CADM2: variants seen among roughly 807,000 people sequenced by gnomAD.
CADM2 encodes immunoglobulin superfamily member 4D.
CADM2 carries 12 observed loss-of-function variants against 49.8 expected under a neutral mutation model. The ratio of observed to expected loss-of-function variants is 0.24; its 90% CI spans 0.15 to 0.39. The LOEUF (loss-of-function observed/expected upper bound fraction) is 0.39. CADM2 is among the 10% of genes least tolerant of loss of function. The pLI, the probability that CADM2 is intolerant of heterozygous loss-of-function variation, is 1.00. For synonymous variants in CADM2, 214 were observed against 175.4 expected, an observed-to-expected ratio of 1.22 and a Z score of -1.74; for missense variants, 378 against 492.3, an observed-to-expected ratio of 0.77 and a Z score of 2.20.
intron 3 of CADM2, among the ~76,000 whole-genome samples, chr3:85,883,060 TA>T (rs1243407326): frequency 6.6e-6 from 1 of 152,206 alleles, no homozygotes; most frequent in Non-Finnish European, 1.5e-5. Context: ...AATCATTTAA[TA>T]AAAAAGTTAT....
chr3:85,614,849 G>A (rs1204996686), intron 1 of CADM2, among the ~76,000 whole-genome samples: 1 of 151,886 alleles, frequency 6.6e-6, no homozygotes, highest in African/African-American at 2.4e-5. Flanking sequence ...TGCTGTTATT[G>A]TGTTGACATA....
chr3:86,016,331 G>A (rs973204264), intron 8 of CADM2, among the ~76,000 whole-genome samples: 1 of 152,062 alleles, frequency 6.6e-6, no homozygotes, highest in African/African-American at 2.4e-5. Context: ...TCTTGCATAT[G>A]ATAAACTGTT....
chr3:85,275,227 A>G (rs951875036), intron 1 of CADM2, among the ~76,000 whole-genome samples: 1 of 151,618 alleles, frequency 6.6e-6, no homozygotes, highest in African/African-American at 2.4e-5. Context: ...GTGATCAGTG[A>G]TAATATTACA....
In CADM2 at chr3:85,815,505, T is replaced by C. The variant is rs1031117335; in HGVS notation, c.238+13309T>C. On this transcript the variant is annotated intron_variant, in intron 3 of 9. Coordinates refer to ENST00000383699, the MANE Select transcript of CADM2 (RefSeq NM_001167675.2). ...ACCCAAGACAAAAACCACATGATTA[T>C]CTCAATAGATGCAAAAAAGGTCTTT... 3.1e-4 allele frequency among the ~76,000 whole-genome samples: 47 copies of C among 152,284 alleles called. 1 individual carries two copies. Among genetic ancestry groups the C allele is most frequent in the Admixed American group, 3.1e-3 (47 of 15,284 alleles).
chr3:85,181,861 T>C (rs1206648196), intron 1 of CADM2, among the ~76,000 whole-genome samples: 1 of 149,908 alleles, frequency 6.7e-6, no homozygotes, highest in Non-Finnish European at 1.5e-5. Context: ...AACATTGCCC[T>C]TAATTTACCG....
intron 8 of CADM2, among the ~76,000 whole-genome samples, chr3:86,042,517 AG>A (rs1245262893): frequency 6.6e-6 from 1 of 152,166 alleles, no homozygotes; most frequent in Non-Finnish European, 1.5e-5. Context: ...CACCCTCCCA[AG>A]ACTAAACCAG....
chr3:85,297,531 A>G (rs1028248069), intron 1 of CADM2, among the ~76,000 whole-genome samples: 9 of 152,022 alleles, frequency 5.9e-5, no homozygotes, highest in Admixed American at 5.3e-4. Context: ...GAAGAACTGG[A>G]CAGGGTACTG....
At position 85,883,311 on chromosome 3, in the gene CADM2, G is replaced by C; in HGVS notation, c.259G>C (p.Glu87Gln). 1.2e-6 allele frequency: 2 copies of C among 1,612,532 alleles called. No individual in the cohort carries two copies. The highest frequency in any genetic ancestry group is 1.7e-6 in the Non-Finnish European group (2 of 1,179,140). Residue 87 changes from glutamate (E) to glutamine (Q), a missense_variant, in exon 4 of 10, where the codon GAG becomes CAG. Coordinates refer to ENST00000383699, the MANE Select transcript of CADM2 (RefSeq NM_001167675.2). ...TCCAGCTTTAAGGGACAATAGGATC[G>C]AGCTGGTTCGCGCTTCCTGGCATGA... is the stretch of plus-strand genomic sequence containing the variant. ...DKKALRDNRI[E>Q]LVRASWHELS...
chr3:85,677,920 A>G (rs1199640974), intron 1 of CADM2, among the ~76,000 whole-genome samples: 1 of 152,124 alleles, frequency 6.6e-6, no homozygotes, highest in African/African-American at 2.4e-5. Context: ...ATTCCTTCTA[A>G]CTTTGATATC....
intron 1 of CADM2, among the ~76,000 whole-genome samples, chr3:85,154,466 G>A (rs539035659): frequency 1.3e-5 from 2 of 152,132 alleles, no homozygotes; most frequent in Non-Finnish European, 2.9e-5. Flanking sequence ...CATCTGATTG[G>A]TGTACTTGAA....
intron 2 of CADM2, among the ~76,000 whole-genome samples, chr3:85,768,839 TA>T (rs1336403444): frequency 8.3e-5 from 2 of 24,210 alleles, no homozygotes; most frequent in South Asian, 1.7e-3. Flanking sequence ...TATACATATA[TA>T]GTATATATAC....
At chr3:85,648,221 G>A (rs1387246607) in intron 1 of CADM2, among the ~76,000 whole-genome samples, 1 of 151,662 alleles carries the variant, frequency 6.6e-6, no homozygotes, top group Non-Finnish European at 1.5e-5. Flanking sequence ...TCTATTTAAT[G>A]TCTTCCCGTT....
At chr3:85,795,849 C>G (rs968385826) in intron 2 of CADM2, among the ~76,000 whole-genome samples, 2 of 152,106 alleles carry the variant, frequency 1.3e-5, no homozygotes, top group African/African-American at 4.8e-5. Context: ...TTTAAACAAA[C>G]AGGGATAAAG....
chr3:84,996,586 T>C (rs2033190721), intron 1 of CADM2, among the ~76,000 whole-genome samples: 1 of 152,174 alleles, frequency 6.6e-6, no homozygotes, highest in Non-Finnish European at 1.5e-5. Flanking sequence ...AAAAATATTA[T>C]GAAATTACCC....
intron 6 of CADM2, 112 bp downstream of exon 6, chr3:85,912,655 G>A (rs777769542): frequency 2.1e-5 from 22 of 1,061,720 alleles, no homozygotes; most frequent in Non-Finnish European, 3.0e-5. Context: ...TAAAATCCAC[G>A]GCAAAATGAA....
At chr3:85,137,557 T>C (rs1280220404) in intron 1 of CADM2, among the ~76,000 whole-genome samples, 2 of 152,062 alleles carry the variant, frequency 1.3e-5, no homozygotes, top group Non-Finnish European at 2.9e-5. Context: ...ATCTTGGTGA[T>C]TTAGTATAAA....
At chr3:86,025,575 G>C (rs935547797) in intron 8 of CADM2, among the ~76,000 whole-genome samples, 8 of 151,978 alleles carry the variant, frequency 5.3e-5, no homozygotes, top group Non-Finnish European at 1.0e-4. Context: ...GTGAAGTTAA[G>C]ATAAAATAAA....
At position 85,548,205 on chromosome 3, in the gene CADM2, C is replaced by T. The variant is rs1415521365; in HGVS notation, c.62-178317C>T. On this transcript the variant is annotated intron_variant, in intron 1 of 9. Coordinates refer to ENST00000383699, the MANE Select transcript of CADM2 (RefSeq NM_001167675.2). ...TTTATGGTGGATTTATCATAATGCT[C>T]ACCAGACAATAAATGCTCCTATTTA... is the stretch of plus-strand genomic sequence containing the variant. Among the ~76,000 whole-genome samples the T allele has an allele frequency of 1.7e-4, 8 of 46,104 alleles. 1 individual carries two copies. The Admixed American group carries it at 2.2e-3, about 13-fold the overall frequency. 30.2% of individuals were successfully genotyped at this position (46,104 alleles called of 152,430 possible). A position where few individuals can be genotyped will look rare whatever the true frequency, so the allele number is the denominator to read the frequency against.
At chr3:85,136,896 A>G (rs1414230051) in intron 1 of CADM2, among the ~76,000 whole-genome samples, 1 of 152,006 alleles carries the variant, frequency 6.6e-6, no homozygotes, top group Non-Finnish European at 1.5e-5. Context: ...TTCAGTTTGC[A>G]TTGTAGCAAC....
Sources: allele counts gnomAD v4.1 joint callset (sites outside exome capture counted in the v4.1 genomes callset), GRCh38; gene constraint gnomAD v4.1.1; transcripts MANE v1.5; gene names NCBI Gene and HGNC (gene_info 2026-07-23, HGNC 2026-07-21).